The following PTPRD variants were observed in gnomAD, a reference collection of about 807,000 sequenced individuals.
PTPRD encodes the protein protein tyrosine phosphatase receptor type D.
In PTPRD, 34 loss-of-function variants were observed where a neutral mutation model predicts 214.5. That is an observed-to-expected ratio of 0.16 (90% CI 0.12 to 0.21). The LOEUF (loss-of-function observed/expected upper bound fraction) is 0.21. PTPRD is among the 10% of genes least tolerant of loss of function. The probability of loss-of-function intolerance (pLI) is 1.00; values close to 1 mark genes in which losing one functional copy is unlikely to be tolerated. For missense variants in PTPRD, 2,545 were observed against 2,398.7 expected (o/e 1.06, Z -1.27); for synonymous variants, 1,128 against 845.7 (o/e 1.33, Z -5.79).
At chr9:9,935,500 C>G (rs894292448) in intron 5 of PTPRD, among the ~76,000 whole-genome samples, 2 of 152,016 alleles carry the variant, frequency 1.3e-5, no homozygotes, top group African/African-American at 4.8e-5. Context: ...AATAAAATAC[C>G]TAGGAATTCA....
At chr9:8,853,689 A>C (rs1462437922) in intron 11 of PTPRD, among the ~76,000 whole-genome samples, 1 of 152,206 alleles carries the variant, frequency 6.6e-6, no homozygotes, top group African/African-American at 2.4e-5. Context: ...TTGATGTGTT[A>C]CATAGGAATT....
At chr9:9,579,783 T>C (rs1430990795) in intron 7 of PTPRD, among the ~76,000 whole-genome samples, 2 of 152,136 alleles carry the variant, frequency 1.3e-5, no homozygotes, top group Non-Finnish European at 2.9e-5. Context: ...AGTCAGGGCT[T>C]TTAGTATGTC....
intron 5 of PTPRD, among the ~76,000 whole-genome samples, chr9:9,847,770 G>A (rs1310382141): frequency 6.6e-6 from 1 of 152,008 alleles, no homozygotes; most frequent in Non-Finnish European, 1.5e-5. Flanking sequence ...AGTTATTTCG[G>A]AGCATTAAAA....
At chr9:8,433,766 G>A (rs1399806518) in intron 35 of PTPRD, among the ~76,000 whole-genome samples, 2 of 152,138 alleles carry the variant, frequency 1.3e-5, no homozygotes, top group African/African-American at 4.8e-5. Flanking sequence ...ATTTTATAAA[G>A]TAGTTACAGT....
intron 10 of PTPRD, among the ~76,000 whole-genome samples, chr9:9,054,436 T>C (rs575116584): frequency 7.7e-4 from 117 of 152,196 alleles, no homozygotes; most frequent in Non-Finnish European, 1.2e-3. Context: ...ATTGAAATAG[T>C]AGATATAAAA....
At chr9:10,149,795 A>G (rs929000823) in intron 3 of PTPRD, among the ~76,000 whole-genome samples, 5 of 150,358 alleles carry the variant, frequency 3.3e-5, no homozygotes, top group African/African-American at 9.8e-5. Flanking sequence ...CGGTGGTGCA[A>G]TCTTGGCTCC....
intron 8 of PTPRD, among the ~76,000 whole-genome samples, chr9:9,465,923 T>C (rs567986089): frequency 8.3e-4 from 125 of 150,484 alleles, no homozygotes; most frequent in African/African-American, 3.0e-3. Flanking sequence ...GCAATACATA[T>C]CAGCCACAGT....
chr9:9,944,886 C>A (rs181960975), intron 4 of PTPRD, among the ~76,000 whole-genome samples: 2 of 151,734 alleles, frequency 1.3e-5, no homozygotes, highest in African/African-American at 4.8e-5. Context: ...CCAGTTTGGC[C>A]AGATGTAGAG....
chr9:10,389,150 G>C (rs1462800127), intron 2 of PTPRD, among the ~76,000 whole-genome samples: 1 of 151,770 alleles, frequency 6.6e-6, no homozygotes, highest in Non-Finnish European at 1.5e-5. Flanking sequence ...TTCAGCAGCT[G>C]TTATGTGTAC....
chr9:8,437,912 TTGTC>T (rs2095415074), intron 34 of PTPRD, among the ~76,000 whole-genome samples: 1 of 152,184 alleles, frequency 6.6e-6, no homozygotes, highest in African/African-American at 2.4e-5. Context: ...TTCATATGAT[TTGTC>T]TTTTATTTCT....
At chr9:10,356,708 T>A (rs1236953893) in intron 2 of PTPRD, among the ~76,000 whole-genome samples, 1 of 151,126 alleles carries the variant, frequency 6.6e-6, no homozygotes, top group Non-Finnish European at 1.5e-5. Context: ...TGAGACAGAG[T>A]CTCACTCTGT....
intron 11 of PTPRD, among the ~76,000 whole-genome samples, chr9:8,815,446 A>T (rs2096900993): frequency 1.3e-5 from 2 of 152,198 alleles, no homozygotes; most frequent in Non-Finnish European, 2.9e-5. Flanking sequence ...ATTTCAGGCA[A>T]CTCAGATGAA....
chr9:10,435,100 T>C (rs560135368), intron 2 of PTPRD, among the ~76,000 whole-genome samples: 21 of 151,880 alleles, frequency 1.4e-4, no homozygotes, highest in Admixed American at 1.1e-3. Flanking sequence ...CATTATTTCC[T>C]AAAGAAGGGG....
At chr9:9,034,158 A>G (rs2099614323) in intron 10 of PTPRD, among the ~76,000 whole-genome samples, 1 of 152,186 alleles carries the variant, frequency 6.6e-6, no homozygotes, top group African/African-American at 2.4e-5. Flanking sequence ...ACAGTGCACC[A>G]GATTTGGCAG....
At chr9:9,323,862 C>G (rs113850796) in intron 9 of PTPRD, among the ~76,000 whole-genome samples, 2 of 152,112 alleles carry the variant, frequency 1.3e-5, no homozygotes, top group African/African-American at 4.8e-5. Flanking sequence ...CCACAACAGG[C>G]CCTGGTGTGT....
intron 9 of PTPRD, among the ~76,000 whole-genome samples, chr9:9,240,945 C>T (rs1594337464): frequency 6.6e-6 from 1 of 152,066 alleles, no homozygotes; most frequent in South Asian, 2.1e-4. Context: ...AAACTTGTTT[C>T]TTTAATTAGA....
intron 45 of PTPRD, among the ~76,000 whole-genome samples, chr9:8,319,105 C>T (rs1428436491): frequency 6.6e-6 from 1 of 152,030 alleles, no homozygotes; most frequent in East Asian, 1.9e-4. Context: ...AATGTTTTGA[C>T]TATTGCAAGC....
intron 9 of PTPRD, among the ~76,000 whole-genome samples, chr9:9,277,845 T>C (rs925614989): frequency 3.3e-5 from 5 of 151,526 alleles, no homozygotes; most frequent in Non-Finnish European, 4.4e-5. Context: ...AATGGTAAAA[T>C]CCAGAAAATT....
At chr9:8,900,821 G>C (rs2098662486) in intron 11 of PTPRD, among the ~76,000 whole-genome samples, 1 of 152,146 alleles carries the variant, frequency 6.6e-6, no homozygotes, top group Admixed American at 6.6e-5. Flanking sequence ...CAAATGCTTG[G>C]TTTAGCATAA....
Sources: allele counts gnomAD v4.1 joint callset (sites outside exome capture counted in the v4.1 genomes callset), GRCh38; gene constraint gnomAD v4.1.1; transcripts MANE v1.5; gene names NCBI Gene and HGNC (gene_info 2026-07-23, HGNC 2026-07-21).